AASS: variants seen among roughly 807,000 people sequenced by gnomAD.
AASS encodes the protein aminoadipate-semialdehyde synthase, also known as alpha-aminoadipic semialdehyde synthase, mitochondrial.
AASS carries 86 observed loss-of-function variants against 105.4 expected under a neutral mutation model. The observed-to-expected ratio is 0.82, with a 90% CI of 0.69 to 0.98. The LOEUF is 0.98. AASS is among the 50% of genes least tolerant of loss of function. The pLI is 0.00. For missense variants in AASS, 1,048 were observed against 1,143.2 expected, an observed-to-expected ratio of 0.92 and a Z score of 1.20; for synonymous variants, 381 against 394.8, an observed-to-expected ratio of 0.96 and a Z score of 0.41.
At chr7:122,080,229 T>C (rs1460964508) in intron 20 of AASS, among the ~76,000 whole-genome samples, 1 of 152,218 alleles carries the variant, frequency 6.6e-6, no homozygotes, top group East Asian at 1.9e-4. Context: ...CAAGACTTTT[T>C]CTAGGTTCCC....
Position 122,073,631 on chromosome 7 carries a change from G to T in AASS, c.*2858C>A, listed in dbSNP as rs913219152. ...AACATTCAAAGTATACAATTCAGTG[G>T]TTTTTAGTATATTCAGAGTTGTGCC... On this transcript the variant is annotated 3_prime_UTR_variant, in exon 24 of 24. Coordinates refer to ENST00000417368, the MANE Select transcript of AASS (RefSeq NM_005763.4). 2.5e-4 allele frequency among the ~76,000 whole-genome samples: 38 copies of T among 152,080 alleles called. No homozygotes were observed. The highest frequency in any genetic ancestry group is 2.2e-3 in the Admixed American group (34 of 15,258).
chr7:122,139,948 T>TCAAA (rs10593110), intron 1 of AASS, among the ~76,000 whole-genome samples: 107 of 150,410 alleles, frequency 7.1e-4, no homozygotes, highest in Middle Eastern at 3.4e-3. Context: ...TGAGACTGTC[T>TCAAA]CAAACAAACA....
intron 2 of AASS, among the ~76,000 whole-genome samples, chr7:122,130,611 G>A (rs1795864442): frequency 6.6e-6 from 1 of 151,888 alleles, no homozygotes; most frequent in African/African-American, 2.4e-5. Flanking sequence ...CTAGTACATG[G>A]AAGCAACAGA....
chr7:122,081,530 G>A lies in AASS; in HGVS notation c.2250C>T (p.Ala750=). The change falls in exon 20 of 24, where the codon GCC becomes GCT. Residue 750 remains alanine, a synonymous_variant. Transcript: ENST00000417368. ...TGAGAGGGTTGGCCTCAGGTCTAAA[G>A]GCAGGAAGCGCTTCTCTGTTTATAA... ...LGLINREALP[A]FRPEANPLTW... 1 of 1,613,972 alleles carries A rather than the reference G, an allele frequency of 6.2e-7. No individual in the cohort carries two copies.
chr7:122,133,596 G>A lies in AASS; in HGVS notation c.131C>T (p.Pro44Leu), dbSNP rs750821357. Residue 44 changes from proline (P) to leucine (L), a missense_variant, in exon 2 of 24, where the codon CCC becomes CTC. Pro to Leu is a moderately conservative substitution (Grantham distance 98). Transcript: ENST00000417368. Reference protein sequence around the residue: ...NAWERRAPLAPKHIKGITNLG... With the variant: ...NAWERRAPLALKHIKGITNLG... ...ATTGGTGATGCCTTTGATGTGCTTG[G>A]GAGCTAGCGGGGCCCTTCTCTCCCA... is the stretch of plus-strand genomic sequence containing the variant. 2 of 1,614,058 alleles carry A rather than the reference G, an allele frequency of 1.2e-6. No homozygotes were observed. Among genetic ancestry groups the A allele is most frequent in the Non-Finnish European group, 1.7e-6 (2 of 1,180,004 alleles).
At chr7:122,086,589 TAAAC>T (rs931998265) in intron 18 of AASS, among the ~76,000 whole-genome samples, 6 of 151,506 alleles carry the variant, frequency 4.0e-5, no homozygotes, top group Admixed American at 6.6e-5. Flanking sequence ...GTTTAAAAAA[TAAAC>T]AAAATTATTT....
At chr7:122,090,924 T>A (rs1361869864) in intron 18 of AASS, among the ~76,000 whole-genome samples, 2 of 152,094 alleles carry the variant, frequency 1.3e-5, no homozygotes, top group Admixed American at 6.6e-5. Context: ...CTAGTTTTTC[T>A]TTTCCCCATC....
intron 18 of AASS, among the ~76,000 whole-genome samples, chr7:122,088,576 T>C (rs1462188664): frequency 6.6e-6 from 1 of 152,184 alleles, no homozygotes; most frequent in Non-Finnish European, 1.5e-5. Flanking sequence ...TTCTGGATTA[T>C]GCCACCTGGG....
chr7:122,112,838 G>A (rs1485246473), intron 11 of AASS, among the ~76,000 whole-genome samples: 1 of 152,140 alleles, frequency 6.6e-6, no homozygotes, highest in East Asian at 1.9e-4. Flanking sequence ...AATAAAGCAT[G>A]TTTTATCTCA....
intron 11 of AASS, among the ~76,000 whole-genome samples, chr7:122,108,424 A>C (rs893103502): frequency 1.2e-4 from 18 of 152,126 alleles, no homozygotes; most frequent in African/African-American, 4.3e-4. Context: ...AAAATTTTCA[A>C]CAAAATACTA....
Position 122,086,100 on chromosome 7 carries a change from C to G in AASS, c.2096G>C (p.Gly699Ala), listed in dbSNP as rs1793610471. Reference sequence around the variant, plus strand: ...TTTCGTACTGTCTCTGTTAGGATAGCCTTCCAAATTTAATCCTGGAAAAAA... The same window carrying G: ...TTTCGTACTGTCTCTGTTAGGATAGGCTTCCAAATTTAATCCTGGAAAAAA... ...MDFFPGLNLE[G>A]YPNRDSTKYA... Residue 699 changes from glycine (G) to alanine (A), a missense_variant, in exon 19 of 24, where the codon GGC (glycine) becomes GCC (alanine). Gly to Ala is a moderately conservative substitution (Grantham distance 60, BLOSUM62 0). Coordinates refer to ENST00000417368, the MANE Select transcript of AASS (RefSeq NM_005763.4). 4 of 1,613,348 alleles carry G rather than the reference C, an allele frequency of 2.5e-6. No homozygotes were observed. Among genetic ancestry groups the G allele is most frequent in the South Asian group, 2.2e-5 (2 of 91,068 alleles).
Position 122,118,447 on chromosome 7 carries a change from C to A in AASS, c.547G>T (p.Gly183Cys). 1 of 1,614,102 alleles carries A rather than the reference C, an allele frequency of 6.2e-7. No homozygotes were observed. Among genetic ancestry groups the A allele is most frequent in the Non-Finnish European group, 8.5e-7 (1 of 1,180,000 alleles). ...LGHHTPFMHI[G>C]MAHNYRNSSQ... The stretch of plus-strand genomic sequence containing the variant: ...CTATTCCTGTAGTTATGAGCCATGC[C>A]AATGTGCTGAAAACAAACATACACA... The change falls in exon 6 of 24, where the codon GGC becomes TGC. Residue 183 changes from glycine to cysteine, a missense_variant. Transcript: ENST00000417368.
intron 3 of AASS, among the ~76,000 whole-genome samples, chr7:122,126,833 T>C (rs556060553): frequency 4.3e-4 from 66 of 152,298 alleles, no homozygotes; most frequent in African/African-American, 1.5e-3. Context: ...CAGATCCATT[T>C]TGAGACGAAT....
intron 1 of AASS, among the ~76,000 whole-genome samples, chr7:122,138,808 A>G (rs1258944682): frequency 6.6e-6 from 1 of 152,136 alleles, no homozygotes; most frequent in Non-Finnish European, 1.5e-5. Flanking sequence ...GGAAAGGAAA[A>G]TGACAGAGAC....
At chr7:122,125,413 G>A (rs1795613255) in intron 4 of AASS, among the ~76,000 whole-genome samples, 1 of 152,128 alleles carries the variant, frequency 6.6e-6, no homozygotes, top group African/African-American at 2.4e-5. Flanking sequence ...TATTTAGTAA[G>A]GCCATTTTTA....
At chr7:122,125,001 C>T (rs985012379) in intron 4 of AASS, among the ~76,000 whole-genome samples, 1 of 152,140 alleles carries the variant, frequency 6.6e-6, no homozygotes, top group African/African-American at 2.4e-5. Flanking sequence ...CGGCTCACTG[C>T]AAACTCTGCC....
At chr7:122,126,586 GC>G in intron 3 of AASS, 127 bp from the exon 4 acceptor site, 2 of 788,094 alleles carry the variant, frequency 2.5e-6, no homozygotes, top group Admixed American at 3.8e-5. Context: ...GCTAACAGAA[GC>G]TACCATCAGG....
intron 15 of AASS, among the ~76,000 whole-genome samples, chr7:122,094,307 G>C (rs1312748237): frequency 2.0e-5 from 3 of 151,836 alleles, no homozygotes; most frequent in African/African-American, 7.3e-5. Context: ...ACTCCCTGTG[G>C]GCCACAGAAT....
At chr7:122,114,253 G>A (rs997490521) in intron 9 of AASS, among the ~76,000 whole-genome samples, 2 of 152,142 alleles carry the variant, frequency 1.3e-5, no homozygotes, top group African/African-American at 4.8e-5. Context: ...ATATGCTTTG[G>A]TAGCTCCATA....
Sources: allele counts gnomAD v4.1 joint callset (sites outside exome capture counted in the v4.1 genomes callset), GRCh38; gene constraint gnomAD v4.1.1; transcripts MANE v1.5; gene names NCBI Gene and HGNC (gene_info 2026-07-23, HGNC 2026-07-21).